TTC1: variants seen among roughly 807,000 people sequenced by gnomAD.
TTC1 encodes tetratricopeptide repeat domain 1, also known as tetratricopeptide repeat protein 1.
A neutral mutation model predicts 37.6 loss-of-function variants in TTC1; 31 were observed. The observed-to-expected ratio is 0.82, with a 90% confidence interval of 0.62 to 1.11. TTC1 has a LOEUF of 1.11. Ranked by LOEUF, TTC1 falls within the 50% of genes most tolerant of loss-of-function variation. The pLI is 0.00. For missense variants in TTC1, 351 were observed against 339.0 expected (o/e 1.04, Z -0.28); for synonymous variants, 127 against 122.4 (o/e 1.04, Z -0.25).
At chr5:160,039,968 A>T (rs1757058846) in intron 4 of TTC1, among the ~76,000 whole-genome samples, 1 of 152,208 alleles carries the variant, frequency 6.6e-6, no homozygotes, top group South Asian at 2.1e-4. Flanking sequence ...TCACTTAACA[A>T]CGGGTATACA....
intron 5 of TTC1, among the ~76,000 whole-genome samples, chr5:160,046,895 C>A (rs1757265394): frequency 1.3e-5 from 2 of 151,972 alleles, no homozygotes; most frequent in South Asian, 4.2e-4. Flanking sequence ...GCCTGTAATC[C>A]CAGCTACTCA....
chr5:160,029,133 G>C (rs1343713598), intron 2 of TTC1, among the ~76,000 whole-genome samples: 2 of 152,132 alleles, frequency 1.3e-5, no homozygotes, highest in African/African-American at 4.8e-5. Context: ...GCTATTCTGA[G>C]AACCAGAGTT....
intron 4 of TTC1, among the ~76,000 whole-genome samples, chr5:160,041,290 T>C (rs1757088245): frequency 2.0e-5 from 3 of 151,782 alleles, no homozygotes; most frequent in Non-Finnish European, 4.4e-5. Context: ...TATCAAGTAT[T>C]ATGTATGTAT....
At chr5:160,063,328 T>C (rs1412214052) in intron 7 of TTC1, among the ~76,000 whole-genome samples, 2 of 152,158 alleles carry the variant, frequency 1.3e-5, no homozygotes, top group African/African-American at 2.4e-5. Flanking sequence ...GCAATCCTCC[T>C]AACTCAGCCT....
intron 2 of TTC1, chr5:160,023,892 T>C: frequency 6.2e-7 from 1 of 1,606,372 alleles, no homozygotes. Context: ...GAAGGATTCC[T>C]TGTGGGGTCA....
At chr5:160,033,444 AC>A (rs370431852) in intron 2 of TTC1, among the ~76,000 whole-genome samples, 4 of 152,226 alleles carry the variant, frequency 2.6e-5, no homozygotes, top group African/African-American at 9.6e-5. Context: ...TTTGGGAAAT[AC>A]CCGGTCTCAT....
intron 7 of TTC1, among the ~76,000 whole-genome samples, chr5:160,056,541 T>G (rs894444837): frequency 1.3e-5 from 2 of 152,198 alleles, no homozygotes; most frequent in Admixed American, 6.5e-5. Flanking sequence ...CTAGGCAGCA[T>G]AGCAAGACCC....
intron 4 of TTC1, among the ~76,000 whole-genome samples, chr5:160,041,818 G>A (rs1757100523): frequency 1.3e-5 from 2 of 152,268 alleles, no homozygotes; most frequent in South Asian, 4.1e-4. Flanking sequence ...TACAGTGCAT[G>A]ACTGTATACA....
intron 6 of TTC1, among the ~76,000 whole-genome samples, chr5:160,050,252 A>T (rs1211145606): frequency 6.6e-6 from 1 of 152,198 alleles, no homozygotes; most frequent in Non-Finnish European, 1.5e-5. Context: ...GTTCGAGACC[A>T]GCCTGACCAA....
intron 7 of TTC1, among the ~76,000 whole-genome samples, chr5:160,052,494 A>T (rs1757426973): frequency 1.4e-5 from 2 of 144,218 alleles, no homozygotes; most frequent in African/African-American, 5.0e-5. Context: ...CTCAAAGAAG[A>T]GGGAAAAGAG....
intron 2 of TTC1, among the ~76,000 whole-genome samples, chr5:160,020,729 A>T (rs1024159083): frequency 6.6e-6 from 1 of 152,232 alleles, no homozygotes; most frequent in African/African-American, 2.4e-5. Context: ...AATGCCTGAT[A>T]GTCTATCACT....
chr5:160,022,726 C>T (rs1002185080), intron 2 of TTC1, among the ~76,000 whole-genome samples: 22 of 152,252 alleles, frequency 1.4e-4, no homozygotes, highest in African/African-American at 5.3e-4. Context: ...CATTTTTCAT[C>T]CTAACTAGTA....
chr5:160,009,695 T>C (rs1401115835), intron 1 of TTC1, among the ~76,000 whole-genome samples: 1 of 152,152 alleles, frequency 6.6e-6, no homozygotes, highest in Non-Finnish European at 1.5e-5. Flanking sequence ...TTCTAAAGTA[T>C]CTCTAGTGTT....
chr5:160,042,840 A>T (rs928508778), intron 4 of TTC1, among the ~76,000 whole-genome samples: 4 of 152,212 alleles, frequency 2.6e-5, no homozygotes, highest in Non-Finnish European at 5.9e-5. Context: ...CAGTGTCAGC[A>T]TTCTAATGTA....
intron 2 of TTC1, among the ~76,000 whole-genome samples, chr5:160,013,955 A>G (rs1756551898): frequency 1.3e-5 from 2 of 152,170 alleles, no homozygotes; most frequent in South Asian, 2.1e-4. Context: ...AAGGATAGGA[A>G]TGTTCTACAT....
chr5:160,027,558 T>A (rs533162653), intron 2 of TTC1, among the ~76,000 whole-genome samples: 1 of 152,366 alleles, frequency 6.6e-6, no homozygotes, highest in East Asian at 1.9e-4. Context: ...TATATCTGCT[T>A]ACCGTTTCTG....
At chr5:160,029,717 A>G (rs938773116) in intron 2 of TTC1, among the ~76,000 whole-genome samples, 5 of 152,144 alleles carry the variant, frequency 3.3e-5, no homozygotes, top group African/African-American at 7.2e-5. Flanking sequence ...ACAAAGTACA[A>G]AGATATGGAG....
chr5:160,026,140 G>A (rs1201425083), intron 2 of TTC1, among the ~76,000 whole-genome samples: 2 of 152,142 alleles, frequency 1.3e-5, no homozygotes, highest in Non-Finnish European at 2.9e-5. Flanking sequence ...ACATTCCACA[G>A]TGTTATAGAA....
At chr5:160,032,764 A>AGTGCAGTG (rs1390600757) in intron 2 of TTC1, among the ~76,000 whole-genome samples, 1 of 120,574 alleles carries the variant, frequency 8.3e-6, no homozygotes, top group Non-Finnish European at 1.6e-5. Context: ...GCCAGGCTAG[A>AGTGCAGTG]GTGCAGTGGC....
Sources: allele counts gnomAD v4.1 joint callset (sites outside exome capture counted in the v4.1 genomes callset), GRCh38; gene constraint gnomAD v4.1.1; transcripts MANE v1.5; gene names NCBI Gene and HGNC (gene_info 2026-07-23, HGNC 2026-07-21).